DPP10: variants seen among roughly 807,000 people sequenced by gnomAD.
DPP10 encodes inactive dipeptidyl peptidase 10.
DPP10 carries 33 observed loss-of-function variants against 120.9 expected under a neutral mutation model. That is an observed-to-expected ratio of 0.27 (90% CI 0.21 to 0.37). The LOEUF (loss-of-function observed/expected upper bound fraction) is 0.37, where lower values mean the gene tolerates loss of function less well. Among genes scored for constraint, DPP10 ranks in the 10% least tolerant of loss-of-function variants. The probability of loss-of-function intolerance (pLI) is 1.00; values close to 1 mark genes in which losing one functional copy is unlikely to be tolerated. For missense variants in DPP10, 816 were observed against 942.8 expected, an observed-to-expected ratio of 0.87 and a Z score of 1.76; for synonymous variants, 337 against 326.1, an observed-to-expected ratio of 1.03 and a Z score of -0.36.
At chr2:114,828,827 C>T (rs746308524) in intron 1 of DPP10, 2 of 152,250 alleles carry the variant, frequency 1.3e-5, no homozygotes, top group Non-Finnish European at 2.9e-5. Flanking sequence ...GCAGGCTCCG[C>T]AGATAGGGAG....
chr2:115,751,535 GA>G (rs1452629236), intron 10 of DPP10, among the ~76,000 whole-genome samples: 3 of 152,148 alleles, frequency 2.0e-5, no homozygotes, highest in African/African-American at 7.2e-5. Context: ...ATGTCTTGAA[GA>G]AATTGTTGAA....
chr2:115,175,558 A>G (rs948830024), intron 1 of DPP10, among the ~76,000 whole-genome samples: 3 of 152,248 alleles, frequency 2.0e-5, no homozygotes, highest in African/African-American at 7.2e-5. Context: ...ACTTCTGTGC[A>G]GTGTAAAAAG....
At chr2:114,951,771 T>C (rs186160442) in intron 1 of DPP10, among the ~76,000 whole-genome samples, 14 of 152,232 alleles carry the variant, frequency 9.2e-5, no homozygotes, top group Admixed American at 7.9e-4. Flanking sequence ...TCTTAACTAA[T>C]TTCACCTCAT....
At chr2:115,463,822 CCT>C (rs2074136805) in intron 3 of DPP10, among the ~76,000 whole-genome samples, 1 of 152,136 alleles carries the variant, frequency 6.6e-6, no homozygotes, top group African/African-American at 2.4e-5. Flanking sequence ...GACTTCCTAA[CCT>C]CTTAGTGCTG....
At chr2:114,924,943 G>A (rs1326468703) in intron 1 of DPP10, among the ~76,000 whole-genome samples, 1 of 152,118 alleles carries the variant, frequency 6.6e-6, no homozygotes, top group Non-Finnish European at 1.5e-5. Flanking sequence ...TGGGCACGGT[G>A]GCTCACGCCA....
intron 1 of DPP10, among the ~76,000 whole-genome samples, chr2:114,923,390 G>A (rs1695346266): frequency 6.6e-6 from 1 of 150,674 alleles, no homozygotes; most frequent in Admixed American, 6.6e-5. Flanking sequence ...CACCATGTTG[G>A]CCAGGCTGGT....
At position 114,654,651 on chromosome 2, in the gene DPP10, T is replaced by A. The variant is rs1026584778; in HGVS notation, c.60+211813T>A. On this transcript the variant is annotated intron_variant, in intron 1 of 25. Coordinates refer to ENST00000410059, the MANE Select transcript of DPP10 (RefSeq NM_020868.6). Reference sequence around the variant, plus strand: ...ATTTTCACATAAGATTATGACTTTTTTTTTCTTTTGAAAATTTTGTAAGAT... The same window carrying A: ...ATTTTCACATAAGATTATGACTTTTATTTTCTTTTGAAAATTTTGTAAGAT... Among the ~76,000 whole-genome samples, 3 of 152,216 alleles carry A rather than the reference T, an allele frequency of 2.0e-5. No individual in the cohort carries two copies. The East Asian group carries it at 5.8e-4, about 29-fold the overall frequency.
chr2:115,435,051 C>CATATAT (rs58828924), intron 3 of DPP10, among the ~76,000 whole-genome samples: 1,641 of 148,142 alleles, frequency 0.011, 8 homozygotes, highest in Non-Finnish European at 0.017. Context: ...CACATGCACA[C>CATATAT]ATATATATAT....
intron 5 of DPP10, among the ~76,000 whole-genome samples, chr2:115,557,972 T>G (rs1031379903): frequency 6.6e-6 from 1 of 152,188 alleles, no homozygotes; most frequent in Non-Finnish European, 1.5e-5. Flanking sequence ...GTTAAAGGTG[T>G]TGTTCTTTCC....
At chr2:114,929,727 C>A (rs12711811) in intron 1 of DPP10, among the ~76,000 whole-genome samples, 104,440 of 151,930 alleles carry the variant, frequency 0.69, 36,195 homozygotes, top group South Asian at 0.76. Context: ...ATCACAGGGT[C>A]CTGAGGCGAC....
At chr2:115,464,883 C>T (rs1027701138) in intron 3 of DPP10, among the ~76,000 whole-genome samples, 1 of 152,084 alleles carries the variant, frequency 6.6e-6, no homozygotes, top group African/African-American at 2.4e-5. Flanking sequence ...TTACTCAGTT[C>T]ACAGTTAGAT....
intron 1 of DPP10, among the ~76,000 whole-genome samples, chr2:114,974,925 A>G (rs1347952496): frequency 6.6e-6 from 1 of 152,112 alleles, no homozygotes; most frequent in Non-Finnish European, 1.5e-5. Context: ...TAAAAATTAA[A>G]TGGAATGTTT....
At position 114,442,802 on chromosome 2, in the gene DPP10, C is replaced by T; in HGVS notation, c.24C>T (p.Ser8=). The change falls in exon 1 of 26, where the codon TCC becomes TCT. Residue 8 remains serine (S), a synonymous_variant. Transcript: ENST00000410059. MNQTASV[S]HHIKCQPSKT... ...ACATGAACCAAACTGCCAGCGTGTC[C>T]CATCACATCAAGTGTCAACCCTCAA... is the stretch of plus-strand genomic sequence containing the variant. 5 of 1,613,390 alleles carry T rather than the reference C, an allele frequency of 3.1e-6. No homozygotes were observed. The South Asian group carries it at 5.5e-5, about 18-fold the overall frequency.
intron 3 of DPP10, among the ~76,000 whole-genome samples, chr2:115,435,022 GCTGA>G (rs1215278440): frequency 2.0e-5 from 3 of 146,630 alleles, no homozygotes; most frequent in Non-Finnish European, 3.0e-5. Context: ...TCTTTTTATG[GCTGA>G]CTAATATTTC....
chr2:115,034,632 T>C (rs539042600), intron 1 of DPP10, among the ~76,000 whole-genome samples: 22 of 152,346 alleles, frequency 1.4e-4, no homozygotes, highest in Admixed American at 2.6e-4. Flanking sequence ...ATATTTAAAG[T>C]GTTTAGAAAA....
intron 5 of DPP10, among the ~76,000 whole-genome samples, chr2:115,581,680 T>A (rs532085888): frequency 6.6e-6 from 1 of 152,150 alleles, no homozygotes; most frequent in South Asian, 2.1e-4. Flanking sequence ...TACCAAAGGG[T>A]TTTAGGAAGT....
At chr2:115,654,993 T>G (rs1299401771) in intron 5 of DPP10, among the ~76,000 whole-genome samples, 1 of 151,796 alleles carries the variant, frequency 6.6e-6, no homozygotes, top group Non-Finnish European at 1.5e-5. Context: ...ACACTTATTT[T>G]CTATTTTATC....
chr2:115,066,390 G>GA (rs373004989), intron 1 of DPP10, among the ~76,000 whole-genome samples: 24,717 of 151,584 alleles, frequency 0.16, 2,292 homozygotes, highest in African/African-American at 0.27. Context: ...AAAAAAATGA[G>GA]AAAAAATAAA....
At chr2:115,315,296 T>C (rs181316672) in intron 2 of DPP10, among the ~76,000 whole-genome samples, 72 of 150,706 alleles carry the variant, frequency 4.8e-4, no homozygotes, top group Non-Finnish European at 6.4e-4. Context: ...CACACACACA[T>C]ACATCTATAT....
Sources: allele counts gnomAD v4.1 joint callset (sites outside exome capture counted in the v4.1 genomes callset), GRCh38; gene constraint gnomAD v4.1.1; transcripts MANE v1.5; gene names NCBI Gene and HGNC (gene_info 2026-07-23, HGNC 2026-07-21).